LMLN: variants seen among roughly 807,000 people sequenced by gnomAD.
The protein encoded by LMLN is leishmanolysin like peptidase, also known as leishmanolysin-like peptidase.
A neutral mutation model predicts 92.3 loss-of-function variants in LMLN; 70 were observed. That is an observed-to-expected ratio of 0.76 (90% confidence interval 0.63 to 0.92). The LOEUF (loss-of-function observed/expected upper bound fraction) is 0.92, where lower values mean the gene tolerates loss of function less well. LMLN is among the 40% of genes least tolerant of loss of function. The pLI is 0.00. For synonymous variants in LMLN, 308 were observed against 296.2 expected (o/e 1.04, Z -0.41); for missense variants, 691 against 814.6 (o/e 0.85, Z 1.85).
chr3:198,013,148 A>T (rs1350083145), intron 11 of LMLN, among the ~76,000 whole-genome samples: 1 of 119,214 alleles, frequency 8.4e-6, no homozygotes, highest in Admixed American at 7.8e-5. Flanking sequence ...GAGCCCCCTA[A>T]CTAGTCTGAC....
At chr3:197,970,270 T>C (rs1721187953) in intron 1 of LMLN, among the ~76,000 whole-genome samples, 1 of 152,048 alleles carries the variant, frequency 6.6e-6, no homozygotes, top group Non-Finnish European at 1.5e-5. Context: ...AGAAAAGAAG[T>C]GTGTATAATT....
intron 1 of LMLN, among the ~76,000 whole-genome samples, chr3:197,965,743 G>A (rs1012467895): frequency 3.3e-5 from 5 of 152,108 alleles, no homozygotes; most frequent in South Asian, 2.1e-4. Context: ...GTGAAACCCC[G>A]TGTCTACAAA....
intron 11 of LMLN, among the ~76,000 whole-genome samples, chr3:198,015,922 G>A (rs769469985): frequency 3.9e-5 from 6 of 152,114 alleles, no homozygotes; most frequent in African/African-American, 1.4e-4. Context: ...CTGGTGGGCC[G>A]GGTGTGGTGT....
In LMLN at chr3:197,997,305, T is replaced by G. The variant is rs1231795393; in HGVS notation, c.1155+1023T>G. Among the ~76,000 whole-genome samples the G allele has an allele frequency of 5.9e-5, 9 of 152,006 alleles. No homozygotes were observed. The East Asian group carries it at 1.7e-3, about 29-fold the overall frequency. On this transcript the variant is annotated intron_variant, in intron 10 of 15. Coordinates refer to ENST00000330198, the Ensembl canonical transcript of LMLN. ...CCACCACACCCAGCTAATTTTCTTT[T>G]TGTTCTTTCAGTAGAGATGGGTTTC...
In LMLN at chr3:197,985,778, T is replaced by C. The variant is rs1347716720; in HGVS notation, c.835-18T>C. 1 of 1,559,090 alleles carries C rather than the reference T, an allele frequency of 6.4e-7. No individual in the cohort carries two copies. The highest frequency in any genetic ancestry group is 1.7e-5 in the Admixed American group (1 of 59,894). On this transcript the variant is annotated intron_variant, in intron 7 of 15. Coordinates refer to ENST00000330198, the Ensembl canonical transcript of LMLN. The stretch of plus-strand genomic sequence containing the variant: ...TTGATGTTTTTCACTTGAAGACATT[T>C]TGAACTTTTTCTTACAGGGTTTCTC...
At chr3:198,000,811 C>CTAAG (rs1490527762) in intron 11 of LMLN, among the ~76,000 whole-genome samples, 1 of 152,188 alleles carries the variant, frequency 6.6e-6, no homozygotes, top group Non-Finnish European at 1.5e-5. Context: ...TGAGTGCCAA[C>CTAAG]TAAGTATGAG....
chr3:197,981,572 A>G (rs1721558627), intron 6 of LMLN, among the ~76,000 whole-genome samples: 1 of 152,254 alleles, frequency 6.6e-6, no homozygotes, highest in Non-Finnish European at 1.5e-5. Context: ...TCACTTAGAC[A>G]TTCAGAGTTC....
intron 6 of LMLN, 47 bp downstream of exon 6, chr3:197,980,551 T>C: frequency 6.5e-7 from 1 of 1,544,322 alleles, no homozygotes; most frequent in Middle Eastern, 1.7e-4. Context: ...ATGTGGGAAC[T>C]CTTAAAGCAA....
intron 7 of LMLN, 57 bp from the exon 8 acceptor site, chr3:197,985,739 G>A: frequency 2.6e-6 from 3 of 1,154,918 alleles, no homozygotes; most frequent in Non-Finnish European, 3.9e-6. Flanking sequence ...TTGATCGCAG[G>A]CCTGTAATCA....
exon 10 of LMLN, chr3:197,996,261 T>C (rs1314941156): frequency 5.6e-6 from 9 of 1,598,078 alleles, no homozygotes; most frequent in South Asian, 1.1e-5. Flanking sequence ...AGCTCAACCA[T>C]TGGGAAAAAA....
intron 14 of LMLN, among the ~76,000 whole-genome samples, chr3:198,030,773 G>C (rs1208131271): frequency 6.6e-6 from 1 of 152,178 alleles, no homozygotes; most frequent in African/African-American, 2.4e-5. Context: ...ATATCTTCTA[G>C]TGGAGATTTG....
intron 11 of LMLN, among the ~76,000 whole-genome samples, chr3:198,012,795 G>C (rs528915773): frequency 2.3e-5 from 3 of 132,134 alleles, no homozygotes; most frequent in East Asian, 2.3e-4. Context: ...TGACTTCTCT[G>C]TACCCTTCAG....
At chr3:198,026,458 C>G (rs1185297369) in intron 14 of LMLN, among the ~76,000 whole-genome samples, 1 of 152,064 alleles carries the variant, frequency 6.6e-6, no homozygotes, top group Admixed American at 6.5e-5. Flanking sequence ...GCTGGAATCA[C>G]AGGCATGCGC....
intron 12 of LMLN, among the ~76,000 whole-genome samples, chr3:198,020,768 ATTT>A (rs71166715): frequency 9.1e-5 from 3 of 32,858 alleles, no homozygotes; most frequent in African/African-American, 2.4e-4. Context: ...TAATTTTTGT[ATTT>A]TTTTTTTTTT....
At position 198,003,657 on chromosome 3, in the gene LMLN, T is replaced by C. The variant is rs1217912104; in HGVS notation, c.1232+4315T>C. On this transcript the variant is annotated intron_variant, in intron 11 of 15. Coordinates refer to ENST00000330198, the Ensembl canonical transcript of LMLN. ...TCTATATATCATCTATACAGATACA[T>C]ATCATACGTAGTAAGTTTGACATCT... 1.0e-4 allele frequency among the ~76,000 whole-genome samples: 12 copies of C among 116,092 alleles called. 1 individual carries two copies. Among genetic ancestry groups the C allele is most frequent in the Admixed American group, 9.3e-4 (12 of 12,906 alleles). The allele number at this position is 116,092 out of a possible 152,430, so 76.2% of individuals were successfully genotyped here.
intron 10 of LMLN, among the ~76,000 whole-genome samples, chr3:197,998,957 A>G (rs1228455795): frequency 6.6e-6 from 1 of 152,314 alleles, no homozygotes; most frequent in East Asian, 1.9e-4. Flanking sequence ...TTACCTGGAG[A>G]GTATAATATT....
At chr3:198,029,699 C>CACAAAAA (rs1723026859) in intron 14 of LMLN, among the ~76,000 whole-genome samples, 1 of 151,976 alleles carries the variant, frequency 6.6e-6, no homozygotes, top group South Asian at 2.1e-4. Flanking sequence ...CAGAAAAACA[C>CACAAAAA]ACAAAAAACT....
chr3:198,030,186 G>A lies in LMLN; in HGVS notation c.1656+5398G>A, dbSNP rs1433435209. Among the ~76,000 whole-genome samples, 5 of 152,126 alleles carry A rather than the reference G, an allele frequency of 3.3e-5. No individual in the cohort carries two copies. In the East Asian group the frequency reaches 9.6e-4, roughly 29 times the overall value. ...AAAGCTTATATTATTCTTTCATAAG[G>A]TTTGAATTTCAAATGTTAGCTGTTG... On this transcript the variant is annotated intron_variant, in intron 14 of 15. Transcript: ENST00000330198.
exon 5 of LMLN, chr3:197,976,666 C>T: frequency 1.3e-6 from 2 of 1,591,044 alleles, no homozygotes; most frequent in Non-Finnish European, 1.7e-6. Context: ...GGGGAGTGTG[C>T]CGCACACACA....
Sources: gnomAD v4.1 joint callset for allele counts (sites outside exome capture counted in the v4.1 genomes callset) on GRCh38, gnomAD v4.1.1 for gene constraint, MANE v1.5 for transcripts, NCBI Gene and HGNC (gene_info 2026-07-23, HGNC 2026-07-21) for gene names.